Variants in MRTFB observed in about 807,000 individuals in gnomAD.
The protein encoded by MRTFB is myocardin related transcription factor B.
MRTFB carries 29 observed loss-of-function variants against 104.2 expected under a neutral mutation model. That is an observed-to-expected ratio of 0.28 (90% CI 0.21 to 0.38). The LOEUF (loss-of-function observed/expected upper bound fraction) is 0.38. Ranked by LOEUF, MRTFB falls within the 10% of genes least tolerant of loss-of-function variation. The pLI is 1.00. For missense variants in MRTFB, 1,270 were observed against 1,341.6 expected (o/e 0.95, Z 0.83); for synonymous variants, 535 against 519.5 (o/e 1.03, Z -0.41).
chr16:14,036,834 C>G, the MRTFB span, among the ~76,000 whole-genome samples: 2 of 152,156 alleles, frequency 1.3e-5, no homozygotes, highest in South Asian at 2.1e-4. Context: ...ACGACCTGGC[C>G]CCCAGGGCCA....
intron 3 of MRTFB, among the ~76,000 whole-genome samples, chr16:14,179,511 C>T (rs2039697208): frequency 6.6e-6 from 1 of 152,146 alleles, no homozygotes. Context: ...AGTTCATGAA[C>T]ACCCAAGAAT....
At chr16:14,207,398 A>G (rs2040996949) in intron 3 of MRTFB, among the ~76,000 whole-genome samples, 1 of 152,208 alleles carries the variant, frequency 6.6e-6, no homozygotes, top group Admixed American at 6.5e-5. Flanking sequence ...TTAGAAATGT[A>G]TATGTGTTCT....
intron 3 of MRTFB, among the ~76,000 whole-genome samples, chr16:14,147,423 C>T (rs1567383584): frequency 6.6e-6 from 1 of 152,156 alleles, no homozygotes; most frequent in African/African-American, 2.4e-5. Context: ...TCATAATAAC[C>T]TTTATGATGT....
At chr16:14,013,952 T>C in the MRTFB span, among the ~76,000 whole-genome samples, 3 of 152,180 alleles carry the variant, frequency 2.0e-5, no homozygotes, top group Admixed American at 6.5e-5. Flanking sequence ...AACAACTCAC[T>C]ATTGTAACCC....
chr16:14,046,690 G>A, the MRTFB span, among the ~76,000 whole-genome samples: 1 of 152,166 alleles, frequency 6.6e-6, no homozygotes, highest in African/African-American at 2.4e-5. Flanking sequence ...CCACGATCAT[G>A]TTTCTTAATC....
intron 3 of MRTFB, among the ~76,000 whole-genome samples, chr16:14,190,589 T>C (rs994068464): frequency 2.0e-5 from 3 of 152,188 alleles, no homozygotes; most frequent in African/African-American, 4.8e-5. Flanking sequence ...AAAAATGATA[T>C]TTGATATAAA....
chr16:14,126,138 T>C (rs143545220), intron 2 of MRTFB, among the ~76,000 whole-genome samples: 268 of 152,322 alleles, frequency 1.8e-3, no homozygotes, highest in African/African-American at 6.0e-3. Flanking sequence ...TTTGGTTACC[T>C]AGTTTCAAGA....
intron 2 of MRTFB, among the ~76,000 whole-genome samples, chr16:14,126,855 A>C (rs1019259110): frequency 6.6e-6 from 1 of 152,236 alleles, no homozygotes; most frequent in African/African-American, 2.4e-5. Flanking sequence ...ATTTGACGAG[A>C]TCTCTCCTGA....
chr16:14,019,154 A>G, the MRTFB span: 2 of 152,174 alleles, frequency 1.3e-5, no homozygotes, highest in East Asian at 3.8e-4. Flanking sequence ...GGAAAAAAAC[A>G]TTTTGCTAGT....
chr16:14,106,192 C>CA (rs1425489929), intron 2 of MRTFB, among the ~76,000 whole-genome samples: 5 of 152,262 alleles, frequency 3.3e-5, no homozygotes, highest in Admixed American at 1.3e-4. Flanking sequence ...AAATAATAAA[C>CA]AGACACATGG....
In MRTFB at chr16:14,198,671, A is replaced by G. The variant is rs118050822; in HGVS notation, c.155-11572A>G. Among the ~76,000 whole-genome samples, 689 of 152,230 alleles carry G rather than the reference A, an allele frequency of 4.5e-3. 1 individual carries two copies. Among genetic ancestry groups the G allele is most frequent in the Non-Finnish European group, 7.1e-3 (484 of 68,016 alleles). ...CTCAAAATTAACTTTCCCTTTACCC[A>G]TCTCACTTGGAACAGATGACCTTTC... On this transcript the variant is annotated intron_variant, in intron 3 of 16. Transcript: ENST00000571589.
At chr16:14,210,412 CAACA>C (rs1228763039) in intron 4 of MRTFB, 104 bp downstream of exon 4, 35 of 800,986 alleles carry the variant, frequency 4.4e-5, no homozygotes, top group Middle Eastern at 3.2e-4. Context: ...TCCATTTAAT[CAACA>C]AACAATTACC....
At chr16:14,116,564 G>C (rs2036551338) in intron 2 of MRTFB, among the ~76,000 whole-genome samples, 1 of 151,864 alleles carries the variant, frequency 6.6e-6, no homozygotes, top group Non-Finnish European at 1.5e-5. Context: ...CATTTGCCTT[G>C]CTTTAGCAGT....
chr16:14,100,260 G>C (rs1269040690), intron 2 of MRTFB, among the ~76,000 whole-genome samples: 1 of 152,138 alleles, frequency 6.6e-6, no homozygotes, highest in African/African-American at 2.4e-5. Context: ...CCTTTATCAG[G>C]TTGAGGATGT....
intron 3 of MRTFB, among the ~76,000 whole-genome samples, chr16:14,163,961 A>G (rs976217342): frequency 4.6e-5 from 7 of 152,204 alleles, no homozygotes; most frequent in Non-Finnish European, 1.0e-4. Context: ...GGAGTGGTGT[A>G]ATATTTCGTT....
the MRTFB span, among the ~76,000 whole-genome samples, chr16:13,997,549 C>T: frequency 2.0e-5 from 3 of 151,854 alleles, no homozygotes; most frequent in Admixed American, 6.6e-5. Context: ...AATCTTAACA[C>T]TTTGGGAGGC....
At chr16:14,003,289 T>A in the MRTFB span, among the ~76,000 whole-genome samples, 1 of 152,178 alleles carries the variant, frequency 6.6e-6, no homozygotes, top group Non-Finnish European at 1.5e-5. Context: ...ATCCTCCCTT[T>A]CAGGCACAGG....
At chr16:14,135,024 T>C (rs1393225156) in intron 2 of MRTFB, among the ~76,000 whole-genome samples, 1 of 152,214 alleles carries the variant, frequency 6.6e-6, no homozygotes, top group African/African-American at 2.4e-5. Flanking sequence ...TGTTTTTAAA[T>C]TAGGAAACTA....
In MRTFB at chr16:14,247,197, A is replaced by C. The variant is rs781666170; in HGVS notation, c.1937A>C (p.Asp646Ala). The change falls in exon 12 of 17, where the codon GAC (aspartate) becomes GCC (alanine). Residue 646 changes from aspartate to alanine, a missense_variant. Coordinates refer to ENST00000571589, the MANE Select transcript of MRTFB (RefSeq NM_001308142.2). ...ATCAAAGATGAGGCCTCACTCCCTGACTGCTCCAGCTCCAGGCAGCCCATC... is the reference window on the plus strand; with the variant it reads ...ATCAAAGATGAGGCCTCACTCCCTGCCTGCTCCAGCTCCAGGCAGCCCATC... The part of the protein sequence containing the change: ...SSIKDEASLP[D>A]CSSSRQPIPV... 1 of 1,614,062 alleles carries C rather than the reference A, an allele frequency of 6.2e-7. No individual in the cohort carries two copies. Among genetic ancestry groups the C allele is most frequent in the Admixed American group, 1.7e-5 (1 of 60,014 alleles).
Sources: gnomAD v4.1 joint callset for allele counts (sites outside exome capture counted in the v4.1 genomes callset) on GRCh38, gnomAD v4.1.1 for gene constraint, MANE v1.5 for transcripts, NCBI Gene and HGNC (gene_info 2026-07-23, HGNC 2026-07-21) for gene names.